The following LRIG3 variants were observed in gnomAD, a reference collection of about 807,000 sequenced individuals.
LRIG3 encodes leucine-rich repeats and immunoglobulin-like domains protein 3.
In LRIG3, 76 loss-of-function variants were observed where a neutral mutation model predicts 114.5. That is an observed-to-expected ratio of 0.66 (90% CI 0.55 to 0.80). LRIG3 has a LOEUF of 0.80. Among genes scored for constraint, LRIG3 ranks in the 30% least tolerant of loss-of-function variants. The probability of loss-of-function intolerance (pLI) is 0.00; values close to 1 mark genes in which losing one functional copy is unlikely to be tolerated. For missense variants in LRIG3, 1,239 were observed against 1,382.8 expected (o/e 0.90, Z 1.65); for synonymous variants, 512 against 519.8 (o/e 0.98, Z 0.20).
intron 3 of LRIG3, among the ~76,000 whole-genome samples, chr12:58,912,776 T>A (rs1330499748): frequency 6.6e-6 from 1 of 152,230 alleles, no homozygotes; most frequent in Non-Finnish European, 1.5e-5. Flanking sequence ...TAGCTGCAGA[T>A]GTTTACGATA....
chr12:58,879,080 G>A lies in LRIG3; in HGVS notation c.1827C>T (p.Pro609=). 1 of 1,613,036 alleles carries A rather than the reference G, an allele frequency of 6.2e-7. No homozygotes were observed. Among genetic ancestry groups the A allele is most frequent in the Non-Finnish European group, 8.5e-7 (1 of 1,179,164 alleles). ...CCCCAGCTCGGATGGTGAGATCCAT[G>A]GGGGTCTTGGTGAATGAGGGAAGCA... The part of the protein sequence containing the change: ...VNMLPSFTKT[P]MDLTIRAGAM... Residue 609 remains proline (P), a synonymous_variant, in exon 14 of 19, where the codon CCC becomes CCT. Coordinates refer to ENST00000320743, the MANE Select transcript of LRIG3 (RefSeq NM_153377.5).
At chr12:58,919,571 T>C (rs1394019090) in intron 1 of LRIG3, 1 of 1,543,648 alleles carries the variant, frequency 6.5e-7, no homozygotes, top group African/African-American at 1.4e-5. Context: ...AAAAGGAGTC[T>C]GACGCAGCTA....
intron 3 of LRIG3, among the ~76,000 whole-genome samples, chr12:58,893,170 C>T (rs1871513788): frequency 1.3e-5 from 2 of 152,150 alleles, no homozygotes; most frequent in Non-Finnish European, 2.9e-5. Context: ...CCACCTTCTT[C>T]ACAAGAGAAT....
intron 15 of LRIG3, among the ~76,000 whole-genome samples, chr12:58,877,062 A>G (rs1403951990): frequency 6.6e-6 from 1 of 152,212 alleles, no homozygotes; most frequent in Non-Finnish European, 1.5e-5. Context: ...ACAACAAGAC[A>G]TACAACTACT....
intron 13 of LRIG3, among the ~76,000 whole-genome samples, chr12:58,880,204 G>A (rs1242337674): frequency 6.6e-6 from 1 of 151,456 alleles, no homozygotes; most frequent in African/African-American, 2.4e-5. Context: ...GCTGAGGTAG[G>A]AGAATTGCTT....
intron 3 of LRIG3, among the ~76,000 whole-genome samples, chr12:58,902,467 A>G (rs1413376806): frequency 6.6e-6 from 1 of 152,188 alleles, no homozygotes; most frequent in African/African-American, 2.4e-5. Flanking sequence ...AGACTGCTCT[A>G]TCTGCTCAAT....
chr12:58,889,691 CT>C (rs1230978385), intron 5 of LRIG3, among the ~76,000 whole-genome samples: 1 of 152,100 alleles, frequency 6.6e-6, no homozygotes, highest in Non-Finnish European at 1.5e-5. Context: ...TAAACCACAG[CT>C]GTTGAGACCT....
At chr12:58,909,637 C>T (rs546946645) in intron 3 of LRIG3, among the ~76,000 whole-genome samples, 127 of 152,172 alleles carry the variant, frequency 8.3e-4, no homozygotes, top group Non-Finnish European at 1.6e-3. Context: ...GACAGCTTTA[C>T]CTGTATTCCC....
chr12:58,905,745 A>G (rs1872039931), intron 3 of LRIG3, among the ~76,000 whole-genome samples: 1 of 152,184 alleles, frequency 6.6e-6, no homozygotes, highest in South Asian at 2.1e-4. Context: ...CACCTGAGCT[A>G]TCGTGTTCAG....
intron 2 of LRIG3, 44 bp downstream of exon 2, chr12:58,914,221 A>C: frequency 6.4e-7 from 1 of 1,569,720 alleles, no homozygotes; most frequent in Non-Finnish European, 8.8e-7. Flanking sequence ...ATAAGGGGTA[A>C]CGTATTTTAC....
chr12:58,908,212 C>T (rs1052185542), intron 3 of LRIG3, among the ~76,000 whole-genome samples: 2 of 152,204 alleles, frequency 1.3e-5, no homozygotes, highest in Non-Finnish European at 2.9e-5. Context: ...CATCAACACA[C>T]CCTTGAAGAT....
intron 3 of LRIG3, among the ~76,000 whole-genome samples, chr12:58,892,942 C>T (rs112681397): frequency 5.9e-5 from 9 of 152,174 alleles, no homozygotes; most frequent in South Asian, 2.1e-4. Context: ...TTGAAAAGGC[C>T]GCTACTTCCC....
At position 58,883,579 on chromosome 12, in the gene LRIG3, G is replaced by A. The variant is rs748395614; in HGVS notation, c.1257C>T (p.Asp419=). 1.2e-5 allele frequency: 18 copies of A among 1,543,780 alleles called. No homozygotes were observed. In the South Asian group the frequency reaches 2.1e-4, roughly 18 times the overall value. ...TGCCTTGTAAAGACATGATTGCGTTGTCACTCAGGTCTCTGAAAAATCACC... is the reference window on the plus strand; with the variant it reads ...TGCCTTGTAAAGACATGATTGCGTTATCACTCAGGTCTCTGAAAAATCACC... The part of the protein sequence containing the change: ...LDALEHLDLS[D]NAIMSLQGNA... Residue 419 remains aspartate, a synonymous_variant, in exon 11 of 19, where the codon GAC becomes GAT. Coordinates refer to ENST00000320743, the MANE Select transcript of LRIG3 (RefSeq NM_153377.5).
intron 3 of LRIG3, among the ~76,000 whole-genome samples, chr12:58,904,760 T>G (rs1385721021): frequency 6.6e-6 from 1 of 152,180 alleles, no homozygotes; most frequent in African/African-American, 2.4e-5. Flanking sequence ...CCAACACACA[T>G]GTACTGAGCA....
At chr12:58,885,926 G>A (rs751673085) in intron 9 of LRIG3, 24 bp from the exon 10 acceptor site, 1 of 1,528,656 alleles carries the variant, frequency 6.5e-7, no homozygotes, top group South Asian at 1.2e-5. Flanking sequence ...TTACATTGGA[G>A]CACTTAATTT....
At position 58,920,155 on chromosome 12, in the gene LRIG3, T is replaced by G. The variant is rs61754220; in HGVS notation, c.81A>C (p.Ser27=). The G allele has an allele frequency of 0.12, 185,388 of 1,541,558 alleles. 12,198 individuals are homozygous for G. The highest frequency in any genetic ancestry group is 0.2 in the Admixed American group (10,085 of 50,906). Residue 27 remains serine (S), a synonymous_variant, in exon 1 of 19, where the codon TCA becomes TCC. Coordinates refer to ENST00000320743, the MANE Select transcript of LRIG3 (RefSeq NM_153377.5). ...LCAVLGRAGR[S]DSGGRGELGQ... ...CGAGTTCCCCGCGACCGCCGCTGTC[T>G]GACCGGCCAGCGCGCCCCAGCACCG...
intron 3 of LRIG3, among the ~76,000 whole-genome samples, chr12:58,911,583 T>C (rs567523830): frequency 6.6e-6 from 1 of 152,378 alleles, no homozygotes; most frequent in East Asian, 1.9e-4. Context: ...CAAATCATTC[T>C]AAAAACTACT....
At chr12:58,911,190 T>G (rs549392695) in intron 3 of LRIG3, among the ~76,000 whole-genome samples, 1 of 152,116 alleles carries the variant, frequency 6.6e-6, no homozygotes, top group Non-Finnish European at 1.5e-5. Context: ...GTGGGAAGAT[T>G]ATCGCAGATT....
At chr12:58,878,763 T>A (rs1213555466) in intron 14 of LRIG3, 61 bp downstream of exon 14, 2 of 1,541,394 alleles carry the variant, frequency 1.3e-6, no homozygotes, top group Non-Finnish European at 8.8e-7. Context: ...CTTAGGGACC[T>A]TGGATGAGCT....
Sources: gnomAD v4.1 joint callset for allele counts (sites outside exome capture counted in the v4.1 genomes callset) on GRCh38, gnomAD v4.1.1 for gene constraint, MANE v1.5 for transcripts, NCBI Gene and HGNC (gene_info 2026-07-23, HGNC 2026-07-21) for gene names.